Variants in LRRC49 observed in about 807,000 individuals in gnomAD.
The protein encoded by LRRC49 is leucine-rich repeat-containing protein 49.
In LRRC49, 50 loss-of-function variants were observed where a neutral mutation model predicts 83.3. The ratio of observed to expected loss-of-function variants is 0.60; its 90% CI spans 0.48 to 0.76. The LOEUF (loss-of-function observed/expected upper bound fraction) is 0.76. Among genes scored for constraint, LRRC49 ranks in the 30% least tolerant of loss-of-function variants. The pLI is 0.00. For missense variants in LRRC49, 704 were observed against 809.1 expected, an observed-to-expected ratio of 0.87 and a Z score of 1.58; for synonymous variants, 286 against 283.3, an observed-to-expected ratio of 1.01 and a Z score of -0.10.
At chr15:71,016,540 T>C (rs980571856) in intron 14 of LRRC49, among the ~76,000 whole-genome samples, 1 of 151,712 alleles carries the variant, frequency 6.6e-6, no homozygotes, top group Middle Eastern at 3.2e-3. Context: ...TCTAAAGAAA[T>C]AAGAATTTGA....
At chr15:70,997,392 A>G (rs1051097318) in intron 11 of LRRC49, among the ~76,000 whole-genome samples, 7 of 152,040 alleles carry the variant, frequency 4.6e-5, no homozygotes, top group African/African-American at 1.7e-4. Flanking sequence ...ATCTGTTTCT[A>G]TTCTTTCCAT....
chr15:70,958,462 A>G (rs2036480157), intron 8 of LRRC49, among the ~76,000 whole-genome samples: 1 of 152,078 alleles, frequency 6.6e-6, no homozygotes, highest in African/African-American at 2.4e-5. Flanking sequence ...TCACTTTAAC[A>G]AAGTGGAAGA....
intron 15 of LRRC49, among the ~76,000 whole-genome samples, chr15:71,048,053 G>A (rs984372756): frequency 2.0e-5 from 3 of 150,868 alleles, no homozygotes; most frequent in Non-Finnish European, 2.9e-5. Context: ...TGGGATTACA[G>A]GTGTGAGCCA....
At chr15:70,908,141 G>A (rs896695509) in intron 5 of LRRC49, 9 of 398,320 alleles carry the variant, frequency 2.3e-5, no homozygotes, top group East Asian at 7.2e-5. Flanking sequence ...TCACCTGGGC[G>A]ATCCGAATCT....
In LRRC49 at chr15:70,904,547, T is replaced by C; in HGVS notation, c.297-5T>C. The C allele has an allele frequency of 6.2e-7, 1 of 1,604,840 alleles. No homozygotes were observed. Among genetic ancestry groups the C allele is most frequent in the Non-Finnish European group, 8.5e-7 (1 of 1,173,594 alleles). ...ACCTAATTAACTTTTTAACATTTTT[T>C]CTAGACAAAAGCTGACCGTATGTCC... On this transcript the variant is annotated splice_region_variant and splice_polypyrimidine_tract_variant and intron_variant, in intron 4 of 15. Coordinates refer to ENST00000260382, the MANE Select transcript of LRRC49 (RefSeq NM_017691.5).
chr15:71,029,934 C>T (rs2039296658), intron 14 of LRRC49, among the ~76,000 whole-genome samples: 1 of 152,090 alleles, frequency 6.6e-6, no homozygotes, highest in African/African-American at 2.4e-5. Context: ...AGATGGGTCT[C>T]CTGAATACAG....
intron 8 of LRRC49, among the ~76,000 whole-genome samples, chr15:70,962,847 T>A (rs933041900): frequency 6.6e-6 from 1 of 152,066 alleles, no homozygotes; most frequent in African/African-American, 2.4e-5. Context: ...TCCTTACAAA[T>A]AGTTGAGTAT....
At chr15:70,987,479 A>G (rs1021312693) in intron 11 of LRRC49, among the ~76,000 whole-genome samples, 4 of 152,056 alleles carry the variant, frequency 2.6e-5, no homozygotes, top group Admixed American at 1.3e-4. Context: ...ATCGGTGGTG[A>G]TATCCCCTTT....
intron 3 of LRRC49, among the ~76,000 whole-genome samples, chr15:70,899,697 T>C (rs1349360169): frequency 6.6e-6 from 1 of 152,316 alleles, no homozygotes; most frequent in East Asian, 1.9e-4. Context: ...ATATGATTTA[T>C]ATAGAACTTG....
intron 5 of LRRC49, 122 bp from the exon 6 acceptor site, chr15:70,911,410 A>G: frequency 2.1e-6 from 1 of 483,010 alleles, no homozygotes; most frequent in Non-Finnish European, 3.7e-6. Context: ...TTGAATATAT[A>G]TATAACTATA....
chr15:70,892,274 G>A (rs896749165), upstream of LRRC49: 1 of 1,562,614 alleles, frequency 6.4e-7, no homozygotes, highest in African/African-American at 1.4e-5. Context: ...GGCCGGCATG[G>A]CGGCCGTCTT....
intron 11 of LRRC49, among the ~76,000 whole-genome samples, chr15:70,989,863 G>GT: frequency 6.6e-6 from 1 of 152,162 alleles, no homozygotes; most frequent in Non-Finnish European, 1.5e-5. Flanking sequence ...AGGACCCTCA[G>GT]CTGCAGGTTT....
chr15:70,865,953 A>G (rs113256850), intron 1 of LRRC49, among the ~76,000 whole-genome samples: 1 of 152,286 alleles, frequency 6.6e-6, no homozygotes, highest in African/African-American at 2.4e-5. Context: ...AAGTAGGTTC[A>G]TAGCATCCTG....
At chr15:70,940,349 T>C (rs543937718) in intron 8 of LRRC49, among the ~76,000 whole-genome samples, 35 of 149,918 alleles carry the variant, frequency 2.3e-4, no homozygotes, top group South Asian at 8.5e-4. Flanking sequence ...CTCCGCCTCC[T>C]GGGTTCATGG....
intron 2 of LRRC49, among the ~76,000 whole-genome samples, chr15:70,884,409 A>C (rs2033348157): frequency 6.6e-6 from 1 of 152,050 alleles, no homozygotes; most frequent in African/African-American, 2.4e-5. Context: ...TACATCAGCT[A>C]TTCGGGAGGC....
Position 71,037,282 on chromosome 15 carries a change from C to T in LRRC49, c.1807C>T (p.Arg603Cys), listed in dbSNP as rs117208397. ...SKRLVGENTNRATLNYTTRDF... is the reference protein window; with the variant it reads ...SKRLVGENTNCATLNYTTRDF... ...AAGACTTGTAGGAGAAAACACAAAT[C>T]GTGCTACATTAAATTATACTACAAG... The change falls in exon 15 of 16, where the codon CGT becomes TGT. Residue 603 changes from arginine (R) to cysteine (C), a missense_variant. Physicochemically the swap from Arg to Cys is radical, Grantham distance 180. Coordinates refer to ENST00000260382, the MANE Select transcript of LRRC49 (RefSeq NM_017691.5). 163 of 1,608,836 alleles carry T rather than the reference C, an allele frequency of 1.0e-4. No homozygotes were observed. The East Asian group carries it at 3.4e-3, about 34-fold the overall frequency.
chr15:70,982,896 A>T (rs1274328901), intron 10 of LRRC49, among the ~76,000 whole-genome samples: 10 of 152,222 alleles, frequency 6.6e-5, no homozygotes, highest in Admixed American at 2.0e-4. Flanking sequence ...ATCTTAGATA[A>T]CCAAAAATTA....
At chr15:70,983,471 A>T (rs1596098052) in intron 10 of LRRC49, among the ~76,000 whole-genome samples, 1 of 152,218 alleles carries the variant, frequency 6.6e-6, no homozygotes, top group African/African-American at 2.4e-5. Flanking sequence ...TCCGTTGCTT[A>T]TAATGAATTA....
upstream of LRRC49, chr15:70,891,780 C>G: frequency 7.1e-7 from 1 of 1,405,834 alleles, no homozygotes; most frequent in Non-Finnish European, 9.4e-7. Context: ...CAAGGTGACA[C>G]TAAGTGGAGG....
Sources: gnomAD v4.1 joint callset for allele counts (sites outside exome capture counted in the v4.1 genomes callset) on GRCh38, gnomAD v4.1.1 for gene constraint, MANE v1.5 for transcripts, NCBI Gene and HGNC (gene_info 2026-07-23, HGNC 2026-07-21) for gene names.